The following GPCPD1 variants were observed in gnomAD, a reference collection of about 807,000 sequenced individuals.
GPCPD1 encodes glycerophosphocholine phosphodiesterase GPCPD1.
GPCPD1 carries 29 observed loss-of-function variants against 89.2 expected under a neutral mutation model. The observed-to-expected ratio is 0.33, with a 90% confidence interval of 0.24 to 0.44. GPCPD1 has a LOEUF of 0.44. Ranked by LOEUF, GPCPD1 falls within the 20% of genes least tolerant of loss-of-function variation. GPCPD1 has a pLI of 1.00. For synonymous variants in GPCPD1, 258 were observed against 266.3 expected (o/e 0.97, Z 0.30); for missense variants, 594 against 808.9 (o/e 0.73, Z 3.22).
chr20:5,562,248 T>C (rs1322985646), intron 15 of GPCPD1, among the ~76,000 whole-genome samples: 1 of 152,152 alleles, frequency 6.6e-6, no homozygotes, highest in Admixed American at 6.6e-5. Context: ...TACATAAATA[T>C]GCTCAGGGCA....
chr20:5,579,218 T>C (rs1978318453), intron 7 of GPCPD1, among the ~76,000 whole-genome samples: 1 of 151,996 alleles, frequency 6.6e-6, no homozygotes, highest in African/African-American at 2.4e-5. Flanking sequence ...TAAACACATA[T>C]AATATTCAAA....
chr20:5,581,599 A>G (rs1412274272), intron 6 of GPCPD1, among the ~76,000 whole-genome samples: 1 of 152,150 alleles, frequency 6.6e-6, no homozygotes, highest in Non-Finnish European at 1.5e-5. Context: ...GCCATAAATA[A>G]ACTGCATGAT....
chr20:5,598,050 T>C (rs1979854254), intron 3 of GPCPD1, among the ~76,000 whole-genome samples: 1 of 151,792 alleles, frequency 6.6e-6, no homozygotes, highest in African/African-American at 2.4e-5. Context: ...GAAAATAATA[T>C]ATAGTGACCA....
intron 7 of GPCPD1, among the ~76,000 whole-genome samples, chr20:5,578,850 C>T (rs896693489): frequency 2.0e-5 from 3 of 151,998 alleles, no homozygotes; most frequent in Non-Finnish European, 4.4e-5. Context: ...GGATAAATGA[C>T]CATTATGCCT....
At chr20:5,582,559 C>A (rs947003349) in intron 6 of GPCPD1, among the ~76,000 whole-genome samples, 2 of 152,182 alleles carry the variant, frequency 1.3e-5, no homozygotes, top group African/African-American at 4.8e-5. Flanking sequence ...CGCCCACCCG[C>A]TTTCCACCTT....
Position 5,575,931 on chromosome 20 carries a change from A to G in GPCPD1, c.753T>C (p.His251=). ...ATGATAAGAGACAAGCTGTACCCAC[A>G]TGTCCAGGAAGGGCATCACCCTGAA... ...HVVQGDALPG[H]VGTACLLSST... is the part of the protein sequence containing the mutation. The change falls in exon 9 of 20, where the codon CAT becomes CAC. Residue 251 remains histidine (H), a synonymous_variant. Transcript: ENST00000379019. The G allele has an allele frequency of 3.1e-6, 5 of 1,604,310 alleles. No homozygotes were observed. Among genetic ancestry groups the G allele is most frequent in the Non-Finnish European group, 4.3e-6 (5 of 1,171,276 alleles).
intron 4 of GPCPD1, among the ~76,000 whole-genome samples, chr20:5,587,583 G>C (rs1979013601): frequency 6.6e-6 from 1 of 152,078 alleles, no homozygotes; most frequent in South Asian, 2.1e-4. Flanking sequence ...GGCCAGGCTA[G>C]TCTCGAACTC....
intron 4 of GPCPD1, among the ~76,000 whole-genome samples, chr20:5,586,550 T>C (rs1445618710): frequency 6.6e-6 from 1 of 152,048 alleles, no homozygotes; most frequent in African/African-American, 2.4e-5. Context: ...CAATACTCAA[T>C]TGTTTCAAAG....
In GPCPD1 at chr20:5,579,962, A is replaced by G. The variant is rs188340748; in HGVS notation, c.473+46T>C. 4.8e-5 allele frequency: 60 copies of G among 1,249,440 alleles called. No homozygotes were observed. In the East Asian group the frequency reaches 7.5e-4, roughly 16 times the overall value. The allele number at this position is 1,249,440 out of a possible 1,614,324, so 77.4% of individuals were successfully genotyped here. ...ACCAATTGAGTCTGAAATCTACAGC[A>G]CTAGTGAAAACAAATAGCCTAAGTA... On this transcript the variant is annotated intron_variant, in intron 7 of 19. Transcript: ENST00000379019.
chr20:5,592,913 T>C (rs963746020), intron 4 of GPCPD1, among the ~76,000 whole-genome samples: 8 of 152,156 alleles, frequency 5.3e-5, no homozygotes, highest in African/African-American at 1.9e-4. Flanking sequence ...CACTAAGAGA[T>C]GGCTGCTGTG....
Position 5,558,729 on chromosome 20 carries a change from C to T in GPCPD1, c.1623G>A (p.Arg541=), listed in dbSNP as rs764055341. The T allele has an allele frequency of 1.2e-6, 2 of 1,601,944 alleles. No homozygotes were observed. Among genetic ancestry groups the T allele is most frequent in the Non-Finnish European group, 1.7e-6 (2 of 1,174,114 alleles). The part of the protein sequence containing the change: ...IYPELMDLRS[R]TTPIAMSFAQ... ...CAAAGCTCATTGCAATGGGGGTTGT[C>T]CGAGATCTGAGGTCCATGAGTTCAG... Residue 541 remains arginine, a synonymous_variant, in exon 18 of 20, where the codon CGG becomes CGA. Transcript: ENST00000379019.
intron 3 of GPCPD1, 135 bp downstream of exon 3, chr20:5,598,590 C>G (rs1025711485): frequency 1.8e-6 from 1 of 554,760 alleles, no homozygotes; most frequent in Non-Finnish European, 3.2e-6. Context: ...AATTATTTCA[C>G]TCATAAAACT....
chr20:5,548,955 A>G (rs1985203354), intron 19 of GPCPD1: 1 of 996,590 alleles, frequency 1.0e-6, no homozygotes, highest in Admixed American at 2.2e-5. Context: ...TACAGAACAG[A>G]TGGGCACTCT....
chr20:5,585,921 C>A (rs1978890351), intron 5 of GPCPD1: 1 of 311,040 alleles, frequency 3.2e-6, no homozygotes, highest in East Asian at 5.5e-5. Context: ...AACTTCCTAA[C>A]CATTCCAAAT....
At chr20:5,605,736 G>A (rs1195979203) in intron 1 of GPCPD1, among the ~76,000 whole-genome samples, 2 of 150,720 alleles carry the variant, frequency 1.3e-5, no homozygotes, top group Non-Finnish European at 3.0e-5. Flanking sequence ...CCCCCCACCT[G>A]CCTCCCCCTC....
In GPCPD1 at chr20:5,598,764, T is replaced by C; in HGVS notation, c.107A>G (p.Asn36Ser). Reference sequence around the variant, plus strand: ...ATTCTCTGGAAGAAGAGCCACAGCATTTTGAGGATTCCAGTTTCCCAAAGC... The same window carrying C: ...ATTCTCTGGAAGAAGAGCCACAGCACTTTGAGGATTCCAGTTTCCCAAAGC... ...CDALGNWNPQ[N>S]AVALLPENDT... is the part of the protein sequence containing the mutation. The change falls in exon 3 of 20, where the codon AAT becomes AGT. Residue 36 changes from asparagine to serine, a missense_variant. Physicochemically the swap from Asn to Ser is conservative, Grantham distance 46. Transcript: ENST00000379019. 6.2e-7 allele frequency: 1 copy of C among 1,613,330 alleles called. No homozygotes were observed. The highest frequency in any genetic ancestry group is 8.5e-7 in the Non-Finnish European group (1 of 1,179,248).
chr20:5,563,939 T>G (rs1461879841), intron 15 of GPCPD1, among the ~76,000 whole-genome samples: 1 of 152,170 alleles, frequency 6.6e-6, no homozygotes, highest in African/African-American at 2.4e-5. Flanking sequence ...TAAAACCCAT[T>G]AAGCTAATAA....
At chr20:5,604,944 C>A (rs989386712) in intron 1 of GPCPD1, among the ~76,000 whole-genome samples, 2 of 151,720 alleles carry the variant, frequency 1.3e-5, no homozygotes, top group African/African-American at 2.4e-5. Context: ...CAGAGCAAGA[C>A]CCTGTCTCGA....
Position 5,558,687 on chromosome 20 carries a change from T to C in GPCPD1, c.1665A>G (p.Leu555=), listed in dbSNP as rs761365894. ...IAMSFAQFEN[L]LGINVHTEDL... The stretch of plus-strand genomic sequence containing the variant: ...TAAAAATTCAAACATAACTTACCAG[T>C]AGATTTTCAAACTGTGCAAAGCTCA... Residue 555 remains leucine, a synonymous_variant, in exon 18 of 20, where the codon CTA becomes CTG. Transcript: ENST00000379019. 2 of 1,549,888 alleles carry C rather than the reference T, an allele frequency of 1.3e-6. No individual in the cohort carries two copies. The highest frequency in any genetic ancestry group is 8.8e-7 in the Non-Finnish European group (1 of 1,142,700).
Sources: allele counts gnomAD v4.1 joint callset (sites outside exome capture counted in the v4.1 genomes callset), GRCh38; gene constraint gnomAD v4.1.1; transcripts MANE v1.5; gene names NCBI Gene and HGNC (gene_info 2026-07-23, HGNC 2026-07-21).